Variants in MTHFD1L observed in about 807,000 individuals in gnomAD.
The protein encoded by MTHFD1L is methylenetetrahydrofolate dehydrogenase (NADP+ dependent) 1 like.
A neutral mutation model predicts 119.5 loss-of-function variants in MTHFD1L; 81 were observed. The ratio of observed to expected loss-of-function variants is 0.68; its 90% CI spans 0.57 to 0.82. The LOEUF is 0.82. Ranked by LOEUF, MTHFD1L falls within the 40% of genes least tolerant of loss-of-function variation. The pLI is 0.00. For missense variants in MTHFD1L, 1,125 were observed against 1,253.4 expected (o/e 0.90, Z 1.55); for synonymous variants, 430 against 475.2 (o/e 0.90, Z 1.24).
intron 11 of MTHFD1L, among the ~76,000 whole-genome samples, chr6:150,928,851 CT>C (rs992937250): frequency 6.6e-6 from 1 of 152,094 alleles, no homozygotes; most frequent in African/African-American, 2.4e-5. Context: ...GCTTCTGTAG[CT>C]TTTTTGTAAG....
intron 27 of MTHFD1L, among the ~76,000 whole-genome samples, chr6:151,098,927 G>C (rs1325059395): frequency 6.6e-6 from 1 of 152,088 alleles, no homozygotes; most frequent in African/African-American, 2.4e-5. Context: ...TGTAATCCCA[G>C]CAATTTGGGA....
chr6:150,898,919 G>T (rs1378169292), intron 7 of MTHFD1L: 1 of 1,004,838 alleles, frequency 1.0e-6, no homozygotes, highest in Admixed American at 5.0e-5. Flanking sequence ...CTCACTGCAA[G>T]CTCTGCCTCC....
intron 20 of MTHFD1L, among the ~76,000 whole-genome samples, chr6:150,974,813 T>C (rs6911020): frequency 0.44 from 66,749 of 151,278 alleles, 16,714 homozygotes; most frequent in East Asian, 0.65. Flanking sequence ...CTCAGCTCAC[T>C]GCAACCTCCG....
At chr6:150,973,586 A>T (rs951223070) in intron 20 of MTHFD1L, among the ~76,000 whole-genome samples, 3 of 152,224 alleles carry the variant, frequency 2.0e-5, no homozygotes, top group African/African-American at 7.2e-5. Context: ...ACTCTATTTT[A>T]TGCTGACAGA....
At position 150,916,737 on chromosome 6, in the gene MTHFD1L, CTTTTTTTTTTTTTTTTTTTTTTTT is replaced by C. The variant is rs57961829; in HGVS notation, c.893-1821_893-1798del. ...TTTTGATGGAAAATTGATTCTATCC[CTTTTTTTTTTTTTTTTTTTTTTTT>C]TTTTTTTTTTTTTTTTTTGAGGTGG... On this transcript the variant is annotated intron_variant, in intron 8 of 27. Coordinates refer to ENST00000367321, the MANE Select transcript of MTHFD1L (RefSeq NM_015440.5). Among the ~76,000 whole-genome samples the C allele has an allele frequency of 6.5e-3, 466 of 72,120 alleles. 3 individuals carry two copies. Among genetic ancestry groups the C allele is most frequent in the African/African-American group, 0.019 (438 of 22,906 alleles). 47.3% of individuals were successfully genotyped at this position (72,120 alleles called of 152,430 possible). A position where few individuals can be genotyped will look rare whatever the true frequency, so the allele number is the denominator to read the frequency against.
chr6:151,058,066 C>A (rs9800647), intron 26 of MTHFD1L, among the ~76,000 whole-genome samples: 4,896 of 152,326 alleles, frequency 0.032, 157 homozygotes, highest in Admixed American at 0.099. Context: ...CATAAGCCAC[C>A]ATGCCCAGCT....
chr6:151,080,817 A>G lies in MTHFD1L; in HGVS notation c.2848-11650A>G, dbSNP rs567408166. 1.2e-4 allele frequency among the ~76,000 whole-genome samples: 18 copies of G among 152,254 alleles called. No homozygotes were observed. In the South Asian group the frequency reaches 3.1e-3, roughly 26 times the overall value. ...TCCCTGTATGTCGTCTTCTCTGTACACAAACATCCCTGTGACCTCTTCCTC... is the reference window on the plus strand; with the variant it reads ...TCCCTGTATGTCGTCTTCTCTGTACGCAAACATCCCTGTGACCTCTTCCTC... On this transcript the variant is annotated intron_variant, in intron 26 of 27. Coordinates refer to ENST00000367321, the MANE Select transcript of MTHFD1L (RefSeq NM_015440.5).
rs774586105 is a variant in MTHFD1L at position 150,971,936 on chromosome 6, C to T, written c.2014-11C>T. The T allele has an allele frequency of 1.2e-6, 2 of 1,606,402 alleles. No individual in the cohort carries two copies. The highest frequency in any genetic ancestry group is 1.7e-6 in the Non-Finnish European group (2 of 1,177,376). ...CTTTTGGGATTTTGATTTGCTTTTT[C>T]ACTTCTCTAGGGGACACCTGTGTTC... On this transcript the variant is annotated splice_polypyrimidine_tract_variant and intron_variant, in intron 19 of 27. Transcript: ENST00000367321.
rs754918807 is a variant in MTHFD1L, at chr6:150,866,344, C to G, written c.227+295C>G. ...GCACGCCCGGCTCCACGTGCGCAGC[C>G]GGCCGCCGGCTCTGATGCAATCGCG... is the stretch of plus-strand genomic sequence containing the variant. On this transcript the variant is annotated intron_variant, in intron 1 of 27. Coordinates refer to ENST00000367321, the MANE Select transcript of MTHFD1L (RefSeq NM_015440.5). 2.9e-5 allele frequency: 42 copies of G among 1,440,750 alleles called. No individual in the cohort carries two copies. The South Asian group carries it at 5.1e-4, about 18-fold the overall frequency. 89.2% of individuals were successfully genotyped at this position (1,440,750 alleles called of 1,614,324 possible).
At chr6:151,088,755 C>G (rs944379774) in intron 26 of MTHFD1L, among the ~76,000 whole-genome samples, 7 of 151,984 alleles carry the variant, frequency 4.6e-5, no homozygotes, top group Non-Finnish European at 1.0e-4. Context: ...CTGCGCCCGG[C>G]CTGGCCAGGT....
chr6:150,871,891 A>ATTTTTTTTTTATTTTTTTT (rs1562287413), intron 1 of MTHFD1L, among the ~76,000 whole-genome samples: 1 of 147,054 alleles, frequency 6.8e-6, no homozygotes, highest in African/African-American at 2.5e-5. Flanking sequence ...ATTTTATTTT[A>ATTTTTTTTTTATTTTTTTT]TTTTTTGAGA....
intron 1 of MTHFD1L, 125 bp downstream of exon 1, chr6:150,866,174 A>C (rs1309871015): frequency 2.2e-6 from 3 of 1,365,972 alleles, no homozygotes; most frequent in Non-Finnish European, 2.9e-6. Context: ...CCAACTCATT[A>C]GGGGGGCCGG....
At chr6:150,959,847 G>A (rs1390158414) in intron 17 of MTHFD1L, among the ~76,000 whole-genome samples, 3 of 152,148 alleles carry the variant, frequency 2.0e-5, no homozygotes, top group Admixed American at 2.0e-4. Flanking sequence ...TCCGTGCTGG[G>A]GATTCAGAAG....
chr6:151,025,221 C>T (rs1784461251), intron 24 of MTHFD1L, among the ~76,000 whole-genome samples: 1 of 152,212 alleles, frequency 6.6e-6, no homozygotes, highest in African/African-American at 2.4e-5. Context: ...TGCTCAGGGC[C>T]CGCGAGCCCA....
chr6:151,025,333 CTGT>C (rs1000957422), intron 24 of MTHFD1L, among the ~76,000 whole-genome samples: 2 of 152,202 alleles, frequency 1.3e-5, no homozygotes, highest in African/African-American at 4.8e-5. Flanking sequence ...ATACAGGGGC[CTGT>C]TGTTCTCAGT....
In MTHFD1L at chr6:151,085,081, CTG is replaced by C. The variant is rs1384147390; in HGVS notation, c.2848-7383_2848-7382del. 3.2e-4 allele frequency among the ~76,000 whole-genome samples: 47 copies of C among 148,960 alleles called. No homozygotes were observed. In the South Asian group the frequency reaches 3.2e-3, roughly 10 times the overall value. On this transcript the variant is annotated intron_variant, in intron 26 of 27. Transcript: ENST00000367321. The stretch of plus-strand genomic sequence containing the variant: ...TGTTTATATAGGAATCAAAAATTAC[CTG>C]TGAGTAATTTTTATTTATGTAATTT...
rs1430339898 is a variant in MTHFD1L, at chr6:150,887,987, T to A, written c.780+6T>A. ...CACGCCAGCTTCAAAGCAAGGTAAA[T>A]TTCATGTTAGAAACATACATCTTGA... is the stretch of plus-strand genomic sequence containing the variant. On this transcript the variant is annotated splice_donor_region_variant and intron_variant, in intron 7 of 27. Transcript: ENST00000367321. The A allele has an allele frequency of 3.8e-6, 6 of 1,594,850 alleles. No homozygotes were observed. Among genetic ancestry groups the A allele is most frequent in the Admixed American group, 1.8e-5 (1 of 55,356 alleles).
At chr6:151,066,780 A>C (rs990459444) in intron 26 of MTHFD1L, among the ~76,000 whole-genome samples, 6 of 151,156 alleles carry the variant, frequency 4.0e-5, no homozygotes, top group Non-Finnish European at 4.4e-5. Context: ...AAAAAAAAAA[A>C]GTGTCCTTTA....
chr6:150,885,710 G>T lies in MTHFD1L; in HGVS notation c.619G>T (p.Val207Leu), dbSNP rs202128387. The change falls in exon 6 of 28, where the codon GTA becomes TTA. Residue 207 changes from valine to leucine, a missense_variant. By Grantham distance (32) the Val-to-Leu change is conservative. Transcript: ENST00000367321. ...ECFVSPVAKA[V>L]IELLEKSGVN... ...TTTTGTTTCACCTGTTGCCAAAGCT[G>T]TAATTGAACTTCTTGAAAAATCAGG... The T allele has an allele frequency of 6.8e-6, 11 of 1,613,564 alleles. No homozygotes were observed. In the East Asian group the frequency reaches 2.2e-4, roughly 33 times the overall value.
Sources: gnomAD v4.1 joint callset for allele counts (sites outside exome capture counted in the v4.1 genomes callset) on GRCh38, gnomAD v4.1.1 for gene constraint, MANE v1.5 for transcripts, NCBI Gene and HGNC (gene_info 2026-07-23, HGNC 2026-07-21) for gene names.